The following GTF2F2 variants were observed in gnomAD, a reference collection of about 807,000 sequenced individuals.
GTF2F2 encodes ATP-dependent helicase GTF2F2.
A neutral mutation model predicts 42.2 loss-of-function variants in GTF2F2; 23 were observed. The ratio of observed to expected loss-of-function variants is 0.55; its 90% CI spans 0.39 to 0.77. The LOEUF (loss-of-function observed/expected upper bound fraction) is 0.77, where lower values mean the gene tolerates loss of function less well. Among genes scored for constraint, GTF2F2 ranks in the 30% least tolerant of loss-of-function variants. The probability of loss-of-function intolerance (pLI) is 0.00; values close to 1 mark genes in which losing one functional copy is unlikely to be tolerated. For missense variants in GTF2F2, 261 were observed against 287.2 expected, an observed-to-expected ratio of 0.91 and a Z score of 0.66; for synonymous variants, 105 against 100.8, an observed-to-expected ratio of 1.04 and a Z score of -0.25.
At chr13:45,221,575 G>A (rs1209745486) in intron 5 of GTF2F2, among the ~76,000 whole-genome samples, 1 of 151,722 alleles carries the variant, frequency 6.6e-6, no homozygotes, top group East Asian at 2.0e-4. Context: ...TGGGGTCCCA[G>A]TATGACTGCA....
intron 7 of GTF2F2, among the ~76,000 whole-genome samples, chr13:45,268,659 A>G (rs1876666220): frequency 6.6e-6 from 1 of 152,076 alleles, no homozygotes; most frequent in South Asian, 2.1e-4. Flanking sequence ...TCTGGTTTTA[A>G]TGAAATTTAT....
rs567409705 is a variant in GTF2F2 at position 45,228,473 on chromosome 13, C to A, written c.386+20968C>A. ...TTCATTTCTCGAGCAGTACCTGACG[C>A]TGGGCCAGACTTAGATTAGGCCCCC... On this transcript the variant is annotated intron_variant, in intron 5 of 7. Transcript: ENST00000340473. Among the ~76,000 whole-genome samples, 320 of 148,632 alleles carry A rather than the reference C, an allele frequency of 2.2e-3. 1 individual carries two copies. Among genetic ancestry groups the A allele is most frequent in the African/African-American group, 7.9e-3 (315 of 40,126 alleles).
At chr13:45,271,865 T>C (rs57118344) in intron 7 of GTF2F2, among the ~76,000 whole-genome samples, 3,137 of 152,216 alleles carry the variant, frequency 0.021, 111 homozygotes, top group African/African-American at 0.072. Flanking sequence ...AAGCCAGGTA[T>C]GTAGAGAGTA....
intron 4 of GTF2F2, among the ~76,000 whole-genome samples, chr13:45,171,591 A>G (rs1871600830): frequency 6.6e-6 from 1 of 152,216 alleles, no homozygotes; most frequent in African/African-American, 2.4e-5. Flanking sequence ...GAGTATTTAC[A>G]TTATATTGCC....
intron 5 of GTF2F2, among the ~76,000 whole-genome samples, chr13:45,223,109 T>G (rs1874183178): frequency 6.6e-6 from 1 of 152,028 alleles, no homozygotes; most frequent in Non-Finnish European, 1.5e-5. Context: ...TAGTCCCAGC[T>G]ACGCCTGTAG....
At chr13:45,150,984 T>C (rs1870462776) in intron 3 of GTF2F2, among the ~76,000 whole-genome samples, 2 of 152,182 alleles carry the variant, frequency 1.3e-5, no homozygotes, top group South Asian at 4.1e-4. Context: ...TGTTTAGTAA[T>C]TTTTATTTTA....
intron 5 of GTF2F2, among the ~76,000 whole-genome samples, chr13:45,233,558 A>G (rs1469046894): frequency 6.6e-6 from 1 of 152,238 alleles, no homozygotes; most frequent in Non-Finnish European, 1.5e-5. Flanking sequence ...TGCCTCAGCT[A>G]GCAACACTGT....
At chr13:45,203,135 G>A (rs912780805) in intron 4 of GTF2F2, among the ~76,000 whole-genome samples, 2 of 152,030 alleles carry the variant, frequency 1.3e-5, no homozygotes, top group East Asian at 1.9e-4. Flanking sequence ...GGAGTGCAGT[G>A]ATGTGATCTC....
intron 4 of GTF2F2, among the ~76,000 whole-genome samples, chr13:45,200,585 T>C (rs1159018531): frequency 1.3e-5 from 2 of 152,214 alleles, no homozygotes; most frequent in African/African-American, 2.4e-5. Context: ...TGAGCCACCA[T>C]GCGTGGCAAA....
chr13:45,271,281 GA>G lies in GTF2F2; in HGVS notation c.630+3916del, dbSNP rs111649360. 5.5e-3 allele frequency among the ~76,000 whole-genome samples: 744 copies of G among 135,202 alleles called. 14 individuals carry two copies. Among genetic ancestry groups the G allele is most frequent in the African/African-American group, 0.018 (659 of 37,056 alleles). 88.7% of individuals were successfully genotyped at this position (135,202 alleles called of 152,430 possible). ...ACTCCAGCCTGAGCGACAGAAAAAAGAAAAAAAAAAAGAAAACTAGCGCTGA... is the reference window on the plus strand; with the variant it reads ...ACTCCAGCCTGAGCGACAGAAAAAAGAAAAAAAAAAGAAAACTAGCGCTGA... On this transcript the variant is annotated intron_variant, in intron 7 of 7. Transcript: ENST00000340473.
At chr13:45,278,813 TTTC>T (rs1877135345) in intron 7 of GTF2F2, among the ~76,000 whole-genome samples, 1 of 140,554 alleles carries the variant, frequency 7.1e-6, no homozygotes, top group African/African-American at 2.9e-5. Flanking sequence ...CCTTTTTCTT[TTTC>T]TTTTTTTTTT....
At chr13:45,138,667 A>G (rs1869759301) in intron 2 of GTF2F2, among the ~76,000 whole-genome samples, 1 of 152,098 alleles carries the variant, frequency 6.6e-6, no homozygotes, top group Admixed American at 6.5e-5. Context: ...ATTTTTCGAG[A>G]CAATGTCTCA....
intron 6 of GTF2F2, among the ~76,000 whole-genome samples, chr13:45,254,399 T>C (rs964730695): frequency 1.3e-5 from 2 of 152,318 alleles, no homozygotes; most frequent in Middle Eastern, 6.8e-3. Context: ...TTTCAAGACT[T>C]TTTTATTGTT....
chr13:45,259,151 G>A (rs890386972), intron 6 of GTF2F2, among the ~76,000 whole-genome samples: 1 of 152,176 alleles, frequency 6.6e-6, no homozygotes, highest in Non-Finnish European at 1.5e-5. Flanking sequence ...AATAGGCCGG[G>A]TGCGGTGGCT....
intron 5 of GTF2F2, among the ~76,000 whole-genome samples, chr13:45,217,776 A>G (rs184995301): frequency 2.0e-5 from 3 of 152,350 alleles, no homozygotes; most frequent in East Asian, 1.9e-4. Context: ...TTGAAAATCA[A>G]CAGGGTTAAC....
At chr13:45,129,733 G>A (rs917643366) in intron 1 of GTF2F2, among the ~76,000 whole-genome samples, 2 of 151,062 alleles carry the variant, frequency 1.3e-5, no homozygotes, top group African/African-American at 2.5e-5. Context: ...ATTCAGATAC[G>A]TTCTAATTAG....
At chr13:45,157,599 C>T (rs1177524895) in intron 4 of GTF2F2, among the ~76,000 whole-genome samples, 3 of 152,082 alleles carry the variant, frequency 2.0e-5, no homozygotes, top group Non-Finnish European at 4.4e-5. Flanking sequence ...AGCTTTATAT[C>T]TTTAGTTGTG....
At chr13:45,223,292 T>C (rs1874195723) in intron 5 of GTF2F2, among the ~76,000 whole-genome samples, 1 of 148,704 alleles carries the variant, frequency 6.7e-6, no homozygotes, top group Non-Finnish European at 1.5e-5. Context: ...AAAAAGTTGA[T>C]TTTTATAATC....
At position 45,137,457 on chromosome 13, in the gene GTF2F2, A is replaced by G. The variant is rs187359409; in HGVS notation, c.140+651A>G. Reference sequence around the variant, plus strand: ...CTCTTTATCAATTAGCTTTTGCTTCATAACAAACCATCCCAAAACTTAGTG... The same window carrying G: ...CTCTTTATCAATTAGCTTTTGCTTCGTAACAAACCATCCCAAAACTTAGTG... On this transcript the variant is annotated intron_variant, in intron 2 of 7. Transcript: ENST00000340473. Among the ~76,000 whole-genome samples, 218 of 152,290 alleles carry G rather than the reference A, an allele frequency of 1.4e-3. 1 individual carries two copies. Among genetic ancestry groups the G allele is most frequent in the African/African-American group, 4.8e-3 (200 of 41,562 alleles).
Sources: allele counts gnomAD v4.1 joint callset (sites outside exome capture counted in the v4.1 genomes callset), GRCh38; gene constraint gnomAD v4.1.1; transcripts MANE v1.5; gene names NCBI Gene and HGNC (gene_info 2026-07-23, HGNC 2026-07-21).